LAMA4: variants seen among roughly 807,000 people sequenced by gnomAD.
The protein encoded by LAMA4 is laminin subunit alpha-4.
Under a neutral mutation model 207.1 loss-of-function variants are expected in LAMA4, and 127 were observed. The observed-to-expected ratio is 0.61, with a 90% CI of 0.53 to 0.71. The LOEUF (loss-of-function observed/expected upper bound fraction) is 0.71, where lower values mean the gene tolerates loss of function less well. Among genes scored for constraint, LAMA4 ranks in the 30% least tolerant of loss-of-function variants. LAMA4 has a pLI of 0.00. For missense variants in LAMA4, 2,093 were observed against 2,246.5 expected (o/e 0.93, Z 1.38); for synonymous variants, 761 against 816.0 (o/e 0.93, Z 1.15).
chr6:112,216,827 A>C (rs1361763019), intron 2 of LAMA4: 2 of 330,686 alleles, frequency 6.0e-6, no homozygotes, highest in Admixed American at 8.7e-5. Flanking sequence ...ACAAAACAAG[A>C]CCACAATTAA....
In LAMA4 at chr6:112,193,415, A is replaced by T. The variant is rs150272518; in HGVS notation, c.504-1565T>A. 9.2e-5 allele frequency among the ~76,000 whole-genome samples: 14 copies of T among 152,106 alleles called. 1 individual carries two copies. The East Asian group carries it at 2.5e-3, about 27-fold the overall frequency. ...AATAATAAAACACTACATTTTTTTT[A>T]AAGGATTCCCTTTAAAGTAAGGGAA... On this transcript the variant is annotated intron_variant, in intron 5 of 38. Coordinates refer to ENST00000230538, the MANE Select transcript of LAMA4 (RefSeq NM_001105206.3).
At chr6:112,241,142 T>TGA in intron 2 of LAMA4, among the ~76,000 whole-genome samples, 2 of 105,952 alleles carry the variant, frequency 1.9e-5, no homozygotes, top group South Asian at 5.7e-4. Flanking sequence ...TATAGGAATA[T>TGA]ATATATGAAT....
chr6:112,210,724 G>T (rs1255416228), intron 3 of LAMA4, among the ~76,000 whole-genome samples: 2 of 151,992 alleles, frequency 1.3e-5, no homozygotes, highest in Non-Finnish European at 2.9e-5. Context: ...ATTGTGTAGA[G>T]GCTACACAAC....
chr6:112,238,560 A>C (rs1418746750), intron 2 of LAMA4, among the ~76,000 whole-genome samples: 1 of 151,968 alleles, frequency 6.6e-6, no homozygotes, highest in East Asian at 1.9e-4. Flanking sequence ...AAATACAAAA[A>C]TTAGTCAGGC....
At chr6:112,133,925 T>A (rs1433887142) in intron 26 of LAMA4, among the ~76,000 whole-genome samples, 2 of 152,222 alleles carry the variant, frequency 1.3e-5, no homozygotes, top group African/African-American at 4.8e-5. Flanking sequence ...TCACAAGTGA[T>A]GTTAGGATTT....
chr6:112,214,286 G>A (rs1192307805), intron 3 of LAMA4, among the ~76,000 whole-genome samples: 1 of 151,348 alleles, frequency 6.6e-6, no homozygotes, highest in Non-Finnish European at 1.5e-5. Context: ...ATCTCATTAT[G>A]TTGCCCAGGC....
chr6:112,237,172 G>T (rs1276386389), intron 2 of LAMA4, among the ~76,000 whole-genome samples: 1 of 152,122 alleles, frequency 6.6e-6, no homozygotes, highest in African/African-American at 2.4e-5. Context: ...AATACCGTCA[G>T]ACAGGGAACA....
rs1554320406 is a variant in LAMA4 at position 112,108,104 on chromosome 6, A to AAT, written c.*1331_*1332dup. 2.6e-5 allele frequency among the ~76,000 whole-genome samples: 4 copies of AAT among 152,014 alleles called. No individual in the cohort carries two copies. Among genetic ancestry groups the AAT allele is most frequent in the Non-Finnish European group, 2.9e-5 (2 of 68,012 alleles). On this transcript the variant is annotated 3_prime_UTR_variant, in exon 39 of 39. Transcript: ENST00000230538. Reference sequence around the variant, plus strand: ...GGTATGGACATATATACCAATATGTAATATATATATAATCATTTCAAGGTA... The same window carrying AAT: ...GGTATGGACATATATACCAATATGTAATATATATATATAATCATTTCAAGGTA...
In LAMA4 at chr6:112,191,777, A is replaced by C. The variant is rs1554349165; in HGVS notation, c.577T>G (p.Ser193Ala). The C allele has an allele frequency of 1.9e-6, 3 of 1,614,156 alleles. No individual in the cohort carries two copies. Among genetic ancestry groups the C allele is most frequent in the Non-Finnish European group, 2.5e-6 (3 of 1,180,008 alleles). ...TCKKCDCSGNSDPNLIFEDCD... is the reference protein window; with the variant it reads ...TCKKCDCSGNADPNLIFEDCD... The stretch of plus-strand genomic sequence containing the variant: ...TCTTCAAAGATCAGGTTGGGATCTG[A>C]ATTTCCACTGCAGTCACATTTCTTA... Residue 193 changes from serine to alanine, a missense_variant, in exon 6 of 39, where the codon TCA becomes GCA. This residue lies in a region of LAMA4 where 1,704 missense variants were observed against 1,788.4 expected (regional missense o/e 0.95). Transcript: ENST00000230538.
intron 6 of LAMA4, among the ~76,000 whole-genome samples, chr6:112,190,919 C>CTTTA (rs1172516946): frequency 1.0e-5 from 1 of 99,418 alleles, no homozygotes; most frequent in African/African-American, 3.8e-5. Flanking sequence ...TTCTTTCTTT[C>CTTTA]TTTCTTTCTT....
chr6:112,148,351 C>CA lies in LAMA4; in HGVS notation c.2174-16dup, dbSNP rs782700595. ...CTGGGCATCCCCTTTACACAGAGCA[C>CA]AGGGTCATTCACTTTGCAGAGAAGC... On this transcript the variant is annotated splice_polypyrimidine_tract_variant and intron_variant, in intron 17 of 38. Coordinates refer to ENST00000230538, the MANE Select transcript of LAMA4 (RefSeq NM_001105206.3). 1.5e-5 allele frequency: 25 copies of CA among 1,613,726 alleles called. No individual in the cohort carries two copies. Among genetic ancestry groups the CA allele is most frequent in the Non-Finnish European group, 2.1e-5 (25 of 1,179,812 alleles).
chr6:112,207,038 G>A lies in LAMA4; in HGVS notation c.405C>T (p.Pro135=), dbSNP rs927436224. 6.2e-7 allele frequency: 1 copy of A among 1,613,788 alleles called. No homozygotes were observed. The highest frequency in any genetic ancestry group is 1.3e-5 in the African/African-American group (1 of 74,904). The change falls in exon 4 of 39, where the codon CCC becomes CCT. Residue 135 remains proline, a synonymous_variant. Transcript: ENST00000230538. The part of the protein sequence containing the change: ...APQFCQPCPC[P]LPHLANFAES... ...GGACTTACTTGGCCAAGTGGGGCAG[G>A]GGACAGGGGCACGGCTGGCAGAATT...
intron 12 of LAMA4, among the ~76,000 whole-genome samples, chr6:112,169,402 T>G (rs1554341114): frequency 6.6e-6 from 1 of 152,216 alleles, no homozygotes; most frequent in South Asian, 2.1e-4. Context: ...ATAGCAAGGC[T>G]AATCCACGTG....
chr6:112,238,665 C>T (rs1554367004), intron 2 of LAMA4, among the ~76,000 whole-genome samples: 2 of 152,130 alleles, frequency 1.3e-5, no homozygotes, highest in African/African-American at 4.8e-5. Context: ...CGAGATCACA[C>T]CACTGCACTC....
At position 112,254,281 on chromosome 6, in the gene LAMA4, G is replaced by A. The variant is rs1287700968; in HGVS notation, c.-131C>T. 3.7e-6 allele frequency: 4 copies of A among 1,070,732 alleles called. No individual in the cohort carries two copies. The highest frequency in any genetic ancestry group is 4.2e-6 in the Non-Finnish European group (3 of 711,746). The allele number at this position is 1,070,732 out of a possible 1,614,324, so 66.3% of individuals were successfully genotyped here. ...GTGTGCAGTATCCCGAGGTGGCTGC[G>A]CAACCAGCAGCTTAGGAAATAAAGG... On this transcript the variant is annotated 5_prime_UTR_variant, in exon 2 of 39. Coordinates refer to ENST00000230538, the MANE Select transcript of LAMA4 (RefSeq NM_001105206.3).
In LAMA4 at chr6:112,254,297, G is replaced by A; in HGVS notation, c.-141-6C>T. On this transcript the variant is annotated splice_polypyrimidine_tract_variant and splice_region_variant and intron_variant, in intron 1 of 38. Coordinates refer to ENST00000230538, the MANE Select transcript of LAMA4 (RefSeq NM_001105206.3). ...GGTGGCTGCGCAACCAGCAGCTTAG[G>A]AAATAAAGGGAAAGTGCGAGAGTAA... 1.1e-6 allele frequency: 1 copy of A among 919,396 alleles called. No individual in the cohort carries two copies. The highest frequency in any genetic ancestry group is 1.7e-6 in the Non-Finnish European group (1 of 583,802). The allele number at this position is 919,396 out of a possible 1,614,324, so 57.0% of individuals were successfully genotyped here.
chr6:112,191,068 T>G (rs1034914946), intron 6 of LAMA4, among the ~76,000 whole-genome samples: 4 of 151,618 alleles, frequency 2.6e-5, no homozygotes, highest in African/African-American at 9.7e-5. Context: ...CAATCTTGAC[T>G]CATGGCAACC....
Position 112,117,998 on chromosome 6 carries a change from T to G in LAMA4, c.4822-100A>C, listed in dbSNP as rs1778126973. On this transcript the variant is annotated intron_variant, in intron 34 of 38. Transcript: ENST00000230538. The surrounding 1 kb of genome is among the most constrained non-coding windows in gnomAD (Gnocchi z 4.5). ...TTGAGTCCTGAAGGAACCCACGTAA[T>G]TCCTTGTTTCATTTATTTCAGATAT... 8 of 913,254 alleles carry G rather than the reference T, an allele frequency of 8.8e-6. No homozygotes were observed. The East Asian group carries it at 2.1e-4, about 24-fold the overall frequency. 56.6% of individuals were successfully genotyped at this position (913,254 alleles called of 1,614,324 possible). A position where few individuals can be genotyped will look rare whatever the true frequency, so the allele number is the denominator to read the frequency against.
chr6:112,168,865 C>T (rs1554340932), intron 12 of LAMA4, among the ~76,000 whole-genome samples: 1 of 152,122 alleles, frequency 6.6e-6, no homozygotes, highest in African/African-American at 2.4e-5. Flanking sequence ...AGGCGAGGCA[C>T]TCTACAGAGG....
Sources: gnomAD v4.1 joint callset for allele counts (sites outside exome capture counted in the v4.1 genomes callset) on GRCh38, gnomAD v4.1.1 for gene constraint, gnomAD v4.1.1 regional missense constraint, Gnocchi (gnomAD v3.1) non-coding constraint, MANE v1.5 for transcripts, NCBI Gene and HGNC (gene_info 2026-07-23, HGNC 2026-07-21) for gene names.